SLC12A4: variants seen among roughly 807,000 people sequenced by gnomAD.
The protein encoded by SLC12A4 is solute carrier family 12 member 4, also known as electroneutral potassium-chloride cotransporter 1.
A neutral mutation model predicts 119.2 loss-of-function variants in SLC12A4; 84 were observed. The observed-to-expected ratio is 0.70, with a 90% confidence interval of 0.59 to 0.85. The LOEUF is 0.85. SLC12A4 is among the 40% of genes least tolerant of loss of function. SLC12A4 has a pLI of 0.00. For missense variants in SLC12A4, 1,298 were observed against 1,476.3 expected (o/e 0.88, Z 1.98); for synonymous variants, 599 against 604.6 (o/e 0.99, Z 0.14).
Position 67,945,158 on chromosome 16 carries a change from C to A in SLC12A4, c.3095G>T (p.Arg1032Leu). The change falls in exon 23 of 24, where the codon CGC (arginine) becomes CTC (leucine). Residue 1032 changes from arginine (R) to leucine (L), a missense_variant. Transcript: ENST00000316341. The part of the protein sequence containing the change: ...AVKLNEVIVT[R>L]SHDARLVLLN... ...GAGAACCAGGCGGGCGTCGTGGGAGCGCGTGACAATGACTTCATTGAGCTT... is the reference window on the plus strand; with the variant it reads ...GAGAACCAGGCGGGCGTCGTGGGAGAGCGTGACAATGACTTCATTGAGCTT... 1 of 1,597,552 alleles carries A rather than the reference C, an allele frequency of 6.3e-7. No individual in the cohort carries two copies. Among genetic ancestry groups the A allele is most frequent in the Non-Finnish European group, 8.5e-7 (1 of 1,170,778 alleles).
chr16:67,964,830 A>G (rs1379470482), intron 1 of SLC12A4, among the ~76,000 whole-genome samples: 1 of 152,200 alleles, frequency 6.6e-6, no homozygotes, highest in Non-Finnish European at 1.5e-5. Context: ...TATCTGATAC[A>G]TCTCTTGCTA....
chr16:67,947,048 C>A lies in SLC12A4; in HGVS notation c.2130G>T (p.Arg710=), dbSNP rs757951068. 1.2e-6 allele frequency: 2 copies of A among 1,612,262 alleles called. No homozygotes were observed. The highest frequency in any genetic ancestry group is 2.2e-5 in the South Asian group (2 of 91,010). Residue 710 remains arginine (R), a synonymous_variant, in exon 17 of 24, where the codon CGG becomes CGT. Coordinates refer to ENST00000316341, the MANE Select transcript of SLC12A4 (RefSeq NM_005072.5). ...LDEDLHVKYP[R]LLTFASQLKA... ...TGAGCTGGGAGGCGAAGGTGAGGAG[C>A]CGCGGGTACTTCACGTGGAGGTCCT...
chr16:67,964,111 G>A, intron 1 of SLC12A4: 2 of 1,515,934 alleles, frequency 1.3e-6, no homozygotes, highest in Non-Finnish European at 1.8e-6. Flanking sequence ...GCCGGGAGGT[G>A]GGGCAAGCCC....
At chr16:67,946,846 C>T in intron 17 of SLC12A4, 91 bp downstream of exon 17, 1 of 1,452,560 alleles carries the variant, frequency 6.9e-7, no homozygotes. Context: ...CCTGGCTGGC[C>T]ACCCTGGCCA....
intron 1 of SLC12A4, among the ~76,000 whole-genome samples, chr16:67,966,070 C>G (rs1312058820): frequency 6.6e-6 from 1 of 152,246 alleles, no homozygotes. Context: ...CTGCGGCAGA[C>G]TGGCTTGGAT....
At chr16:67,960,306 G>A (rs1001918041) in intron 3 of SLC12A4, among the ~76,000 whole-genome samples, 1 of 152,222 alleles carries the variant, frequency 6.6e-6, no homozygotes, top group Admixed American at 6.5e-5. Context: ...CAGAGGTTGA[G>A]ACACCCCTGC....
chr16:67,946,554 A>C lies in SLC12A4; in HGVS notation c.2321T>G (p.Leu774Arg). ...GCCACAGGACTGGATGAGGTGGGCC[A>C]GCCCCTCCCGCACCTTGCTGGCCAC... ...VVVASKVREGLAHLIQSCGLG... is the reference protein window; with the variant it reads ...VVVASKVREGRAHLIQSCGLG... The change falls in exon 18 of 24, where the codon CTG (leucine) becomes CGG (arginine). Residue 774 changes from leucine to arginine, a missense_variant. By Grantham distance (102) the Leu-to-Arg change is moderately radical. Transcript: ENST00000316341. 1 of 1,612,316 alleles carries C rather than the reference A, an allele frequency of 6.2e-7. No homozygotes were observed. Among genetic ancestry groups the C allele is most frequent in the Middle Eastern group, 1.7e-4 (1 of 6,058 alleles).
chr16:67,962,102 C>A, intron 2 of SLC12A4: 1 of 170,356 alleles, frequency 5.9e-6, no homozygotes, highest in Non-Finnish European at 1.3e-5. Context: ...CTACCCTCCC[C>A]ACAAAAAAGC....
chr16:67,944,917 C>CAT lies in SLC12A4; in HGVS notation c.3180_3181insAT (p.Glu1061MetfsTer4). ...CGCTCAAGGCCCTCGGTCAGCACCT[C>CAT]GAGGAACTCCATGTCTGCAGGGCCT... On this transcript the variant is annotated frameshift_variant, in exon 24 of 24. Transcript: ENST00000316341. LOFTEE classifies it high-confidence loss of function. This position sits in a 1 kb window ranked among gnomAD's most constrained non-coding sequence, Gnocchi z 6.6. 4 of 1,613,406 alleles carry CAT rather than the reference C, an allele frequency of 2.5e-6. No individual in the cohort carries two copies. The highest frequency in any genetic ancestry group is 2.5e-6 in the Non-Finnish European group (3 of 1,180,010).
At position 67,951,499 on chromosome 16, in the gene SLC12A4, A is replaced by G; in HGVS notation, c.1133-195T>C. On this transcript the variant is annotated intron_variant, in intron 8 of 23. Coordinates refer to ENST00000316341, the MANE Select transcript of SLC12A4 (RefSeq NM_005072.5). This position sits in a 1 kb window ranked among gnomAD's most constrained non-coding sequence, Gnocchi z 5.2. ...TGCCCAGCTAGAAGTCGACAGACAA[A>G]GGTGGCTGAACCACCGTCACCCAGA... is the stretch of plus-strand genomic sequence containing the variant. The G allele has an allele frequency of 1.5e-6, 1 of 669,732 alleles. No homozygotes were observed. The highest frequency in any genetic ancestry group is 2.5e-6 in the Non-Finnish European group (1 of 402,282). The allele number at this position is 669,732 out of a possible 1,614,324, so 41.5% of individuals were successfully genotyped here. A position where few individuals can be genotyped will look rare whatever the true frequency, so the allele number is the denominator to read the frequency against.
rs1312503084 is a variant in SLC12A4 at position 67,945,471 on chromosome 16, G to A, written c.2930C>T (p.Ala977Val). The A allele has an allele frequency of 1.3e-5, 21 of 1,614,110 alleles. No individual in the cohort carries two copies. The highest frequency in any genetic ancestry group is 1.8e-5 in the Non-Finnish European group (21 of 1,180,004). ...SDEEDESAVGADKIQMTWTRD... is the reference protein window; with the variant it reads ...SDEEDESAVGVDKIQMTWTRD... ...GGTCCACGTCATCTGGATCTTGTCA[G>A]CCCCCACTGCAGACTCATCTTCCTC... The change falls in exon 22 of 24, where the codon GCT (alanine) becomes GTT (valine). Residue 977 changes from alanine to valine, a missense_variant. Transcript: ENST00000316341.
chr16:67,945,342 C>G (rs372780210), intron 22 of SLC12A4, 27 bp downstream of exon 22: 1 of 1,600,118 alleles, frequency 6.2e-7, no homozygotes, highest in Non-Finnish European at 8.5e-7. Context: ...ATTCCAGTGC[C>G]GCTGGGGCTG....
At chr16:67,947,983 T>C in intron 14 of SLC12A4, 78 bp downstream of exon 14, 2 of 1,521,774 alleles carry the variant, frequency 1.3e-6, no homozygotes, top group Non-Finnish European at 1.8e-6. Context: ...AAGAGCTCCC[T>C]ACCCAGGAAA....
Position 67,948,097 on chromosome 16 carries a change from G to T in SLC12A4, c.1811C>A (p.Thr604Asn), listed in dbSNP as rs1341953482. Residue 604 changes from threonine to asparagine, a missense_variant, in exon 14 of 24, where the codon ACC becomes AAC. By Grantham distance (65) the Thr-to-Asn change is moderately conservative (BLOSUM62 0). Transcript: ENST00000316341. ...LACAVQTLLR[T>N]PNWRPRFKYY... The stretch of plus-strand genomic sequence containing the variant: ...CTTGAACCGGGGCCGCCAGTTGGGG[G>T]TCCTCAGGAGTGTCTGCACCGCACA... 6.2e-7 allele frequency: 1 copy of T among 1,613,140 alleles called. No individual in the cohort carries two copies. Among genetic ancestry groups the T allele is most frequent in the Non-Finnish European group, 8.5e-7 (1 of 1,180,030 alleles).
rs1041367035 is a variant in SLC12A4, at chr16:67,950,212, G to A, written c.1629+107C>T. 2 of 1,367,100 alleles carry A rather than the reference G, an allele frequency of 1.5e-6. No homozygotes were observed. Among genetic ancestry groups the A allele is most frequent in the Admixed American group, 2.3e-5 (1 of 43,318 alleles). The allele number at this position is 1,367,100 out of a possible 1,614,324, so 84.7% of individuals were successfully genotyped here. A position where few individuals can be genotyped will look rare whatever the true frequency, so the allele number is the denominator to read the frequency against. On this transcript the variant is annotated intron_variant, in intron 12 of 23. Coordinates refer to ENST00000316341, the MANE Select transcript of SLC12A4 (RefSeq NM_005072.5). The surrounding 1 kb of genome is among the most constrained non-coding windows in gnomAD (Gnocchi z 4.3). Reference sequence around the variant, plus strand: ...CCTCATGGATGGCCGCCTGGCCCCGGGGGCCAATAAGGGCAGGACGTGCTG... The same window carrying A: ...CCTCATGGATGGCCGCCTGGCCCCGAGGGCCAATAAGGGCAGGACGTGCTG...
At chr16:67,952,947 CA>C (rs1330137375) in intron 6 of SLC12A4, among the ~76,000 whole-genome samples, 1 of 150,438 alleles carries the variant, frequency 6.6e-6, no homozygotes, top group Non-Finnish European at 1.5e-5. Context: ...ATTAGTGGTG[CA>C]AAAACTGGTA....
At position 67,951,599 on chromosome 16, in the gene SLC12A4, G is replaced by C; in HGVS notation, c.1132+224C>G. The C allele has an allele frequency of 1.5e-5, 9 of 611,698 alleles. No homozygotes were observed. In the South Asian group the frequency reaches 1.6e-4, roughly 11 times the overall value. 37.9% of individuals were successfully genotyped at this position (611,698 alleles called of 1,614,324 possible). A position where few individuals can be genotyped will look rare whatever the true frequency, so the allele number is the denominator to read the frequency against. Reference sequence around the variant, plus strand: ...CATCCCCAGGCAGTGTCAGGGGCTGGTGGCTGGGGAAGACAGGCTGCTGCA... The same window carrying C: ...CATCCCCAGGCAGTGTCAGGGGCTGCTGGCTGGGGAAGACAGGCTGCTGCA... On this transcript the variant is annotated intron_variant, in intron 8 of 23. Coordinates refer to ENST00000316341, the MANE Select transcript of SLC12A4 (RefSeq NM_005072.5). This position sits in a 1 kb window ranked among gnomAD's most constrained non-coding sequence, Gnocchi z 5.2.
intron 1 of SLC12A4, chr16:67,966,763 G>A (rs760877414): frequency 3.2e-6 from 5 of 1,551,520 alleles, no homozygotes; most frequent in South Asian, 1.2e-5. Flanking sequence ...CGGGGCTCAG[G>A]GTGTCCCCCA....
rs755145974 is a variant in SLC12A4 at position 67,946,571 on chromosome 16, G to T, written c.2304C>A (p.Ser768Arg). The change falls in exon 18 of 24, where the codon AGC (serine) becomes AGA (arginine). Residue 768 changes from serine (S) to arginine (R), a missense_variant. Coordinates refer to ENST00000316341, the MANE Select transcript of SLC12A4 (RefSeq NM_005072.5). ...GGTGGGCCAGCCCCTCCCGCACCTT[G>T]CTGGCCACCACCACCTGGCAGAAGC... is the stretch of plus-strand genomic sequence containing the variant. Reference protein sequence around the residue: ...VKGFCQVVVASKVREGLAHLI... With the variant: ...VKGFCQVVVARKVREGLAHLI... The T allele has an allele frequency of 6.2e-7, 1 of 1,612,720 alleles. No individual in the cohort carries two copies. The highest frequency in any genetic ancestry group is 8.5e-7 in the Non-Finnish European group (1 of 1,180,022).
Sources: allele counts gnomAD v4.1 joint callset (sites outside exome capture counted in the v4.1 genomes callset), GRCh38; gene constraint gnomAD v4.1.1; non-coding constraint Gnocchi (gnomAD v3.1); transcripts MANE v1.5; gene names NCBI Gene and HGNC (gene_info 2026-07-23, HGNC 2026-07-21).